The following PRKCB variants were observed in gnomAD, a reference collection of about 807,000 sequenced individuals.
The protein encoded by PRKCB is protein kinase C beta type.
Under a neutral mutation model 81.5 loss-of-function variants are expected in PRKCB, and 13 were observed. The observed-to-expected ratio is 0.16, with a 90% CI of 0.10 to 0.25. The LOEUF is 0.25. Among genes scored for constraint, PRKCB ranks in the 10% least tolerant of loss-of-function variants. The pLI is 1.00. For missense variants in PRKCB, 509 were observed against 875.7 expected (o/e 0.58, Z 5.29); for synonymous variants, 335 against 321.4 (o/e 1.04, Z -0.45).
intron 16 of PRKCB, among the ~76,000 whole-genome samples, chr16:24,203,855 C>T (rs947343530): frequency 2.0e-5 from 3 of 152,084 alleles, no homozygotes; most frequent in African/African-American, 7.2e-5. Context: ...TTTTTCTTCC[C>T]AGGGTACACG....
chr16:24,110,118 G>A (rs1596552259), intron 7 of PRKCB, among the ~76,000 whole-genome samples: 3 of 104,056 alleles, frequency 2.9e-5, no homozygotes, highest in South Asian at 2.9e-4. Context: ...GTGGGGAGAG[G>A]GAGAGGGAGA....
chr16:24,116,774 T>A (rs1966741668), intron 8 of PRKCB, among the ~76,000 whole-genome samples: 1 of 152,262 alleles, frequency 6.6e-6, no homozygotes, highest in African/African-American at 2.4e-5. Context: ...TATCATTTGC[T>A]GCTGTTATAG....
intron 2 of PRKCB, among the ~76,000 whole-genome samples, chr16:23,948,344 C>A (rs1964231920): frequency 1.3e-5 from 2 of 152,072 alleles, no homozygotes; most frequent in African/African-American, 2.4e-5. Context: ...GAGTGGGCTT[C>A]CATGTTTATA....
At chr16:23,942,026 A>C (rs1250338429) in intron 2 of PRKCB, among the ~76,000 whole-genome samples, 1 of 152,234 alleles carries the variant, frequency 6.6e-6, no homozygotes, top group Non-Finnish European at 1.5e-5. Context: ...CTATTAGTAC[A>C]AATAACAGAA....
intron 15 of PRKCB, among the ~76,000 whole-genome samples, chr16:24,190,737 T>G (rs1026070054): frequency 1.3e-5 from 2 of 152,256 alleles, no homozygotes; most frequent in Admixed American, 6.5e-5. Context: ...CAGGATGGTC[T>G]CAATCTCTTG....
At chr16:24,000,124 T>G (rs1440103907) in intron 3 of PRKCB, among the ~76,000 whole-genome samples, 1 of 152,142 alleles carries the variant, frequency 6.6e-6, no homozygotes. Flanking sequence ...CAGATTCAAG[T>G]GGTAGAAAAA....
chr16:23,947,648 A>G (rs908370951), intron 2 of PRKCB, among the ~76,000 whole-genome samples: 4 of 152,136 alleles, frequency 2.6e-5, no homozygotes, highest in African/African-American at 9.7e-5. Context: ...ATAGATGCAT[A>G]TAGTCAGGAC....
At chr16:24,105,493 G>A (rs1374218399) in intron 7 of PRKCB, among the ~76,000 whole-genome samples, 2 of 152,112 alleles carry the variant, frequency 1.3e-5, no homozygotes, top group South Asian at 2.1e-4. Context: ...TTCAAGCCCC[G>A]CATGCATTAG....
chr16:24,002,421 C>T (rs571977838), intron 3 of PRKCB, among the ~76,000 whole-genome samples: 3 of 151,790 alleles, frequency 2.0e-5, no homozygotes, highest in South Asian at 2.1e-4. Context: ...CTCGGCTCAC[C>T]GCAACCCTCC....
At chr16:23,973,861 G>C (rs1289975495) in intron 2 of PRKCB, among the ~76,000 whole-genome samples, 2 of 151,938 alleles carry the variant, frequency 1.3e-5, no homozygotes, top group Non-Finnish European at 2.9e-5. Context: ...TGCAGAGATA[G>C]GGTTTTGCTG....
rs185992119 is a variant in PRKCB, at chr16:24,116,767, C to T, written c.918+3698C>T. Among the ~76,000 whole-genome samples, 7 of 139,840 alleles carry T rather than the reference C, an allele frequency of 5.0e-5. No individual in the cohort carries two copies. The East Asian group carries it at 1.3e-3, about 27-fold the overall frequency. The allele number at this position is 139,840 out of a possible 152,430, so 91.7% of individuals were successfully genotyped here. A position where few individuals can be genotyped will look rare whatever the true frequency, so the allele number is the denominator to read the frequency against. Reference sequence around the variant, plus strand: ...CCCCAACTTGCTGATGAAGTGGTATCATTTGCTGCTGTTATAGAAATGTAC... The same window carrying T: ...CCCCAACTTGCTGATGAAGTGGTATTATTTGCTGCTGTTATAGAAATGTAC... On this transcript the variant is annotated intron_variant, in intron 8 of 16. Coordinates refer to ENST00000643927, the MANE Select transcript of PRKCB (RefSeq NM_002738.7).
At chr16:24,004,316 T>C (rs766879639) in intron 3 of PRKCB, among the ~76,000 whole-genome samples, 1 of 151,834 alleles carries the variant, frequency 6.6e-6, no homozygotes, top group Admixed American at 6.6e-5. Flanking sequence ...CAAAAGTGTA[T>C]CATGAAAATA....
intron 5 of PRKCB, among the ~76,000 whole-genome samples, chr16:24,082,849 G>A (rs1966267759): frequency 6.6e-6 from 1 of 151,766 alleles, no homozygotes; most frequent in African/African-American, 2.4e-5. Context: ...AAAAAAAGTG[G>A]TAAATTGTAC....
intron 2 of PRKCB, among the ~76,000 whole-genome samples, chr16:23,910,888 C>T (rs531449497): frequency 6.6e-6 from 1 of 152,070 alleles, no homozygotes; most frequent in South Asian, 2.1e-4. Flanking sequence ...TGTAGATTTG[C>T]CTATCCTAGA....
At chr16:23,985,298 T>C (rs986147738) in intron 2 of PRKCB, among the ~76,000 whole-genome samples, 1 of 152,170 alleles carries the variant, frequency 6.6e-6, no homozygotes, top group African/African-American at 2.4e-5. Flanking sequence ...GGTTTCACCA[T>C]GTTGGCCAGG....
chr16:24,030,716 CAA>C (rs59739745), intron 3 of PRKCB, among the ~76,000 whole-genome samples: 84 of 131,400 alleles, frequency 6.4e-4, no homozygotes, highest in Non-Finnish European at 1.0e-3. Flanking sequence ...CCCCTCTCTA[CAA>C]AAAAAAAAAA....
At chr16:24,140,380 C>T (rs1966886931) in intron 9 of PRKCB, among the ~76,000 whole-genome samples, 1 of 152,194 alleles carries the variant, frequency 6.6e-6, no homozygotes, top group Non-Finnish European at 1.5e-5. Context: ...CCGGTGGGAT[C>T]TTCTTGCCTG....
intron 9 of PRKCB, chr16:24,151,934 T>A: frequency 2.2e-6 from 1 of 454,290 alleles, no homozygotes; most frequent in East Asian, 7.0e-5. Context: ...CCTGTCTCTC[T>A]TCCATGTGGA....
chr16:24,082,416 A>C (rs756716109), intron 5 of PRKCB, among the ~76,000 whole-genome samples: 6 of 152,228 alleles, frequency 3.9e-5, no homozygotes, highest in Non-Finnish European at 7.3e-5. Flanking sequence ...AATTCTTAAG[A>C]TGAAGAATAA....
Sources: gnomAD v4.1 joint callset for allele counts (sites outside exome capture counted in the v4.1 genomes callset) on GRCh38, gnomAD v4.1.1 for gene constraint, MANE v1.5 for transcripts, NCBI Gene and HGNC (gene_info 2026-07-23, HGNC 2026-07-21) for gene names.